The following ANKS1B variants were observed in gnomAD, a reference collection of about 807,000 sequenced individuals.
The protein encoded by ANKS1B is ankyrin repeat and sterile alpha motif domain-containing protein 1B.
A neutral mutation model predicts 148.3 loss-of-function variants in ANKS1B; 36 were observed. That is an observed-to-expected ratio of 0.24 (90% CI 0.19 to 0.32). The LOEUF (loss-of-function observed/expected upper bound fraction) is 0.32, where lower values mean the gene tolerates loss of function less well. ANKS1B is among the 10% of genes least tolerant of loss of function. The pLI, the probability that ANKS1B is intolerant of heterozygous loss-of-function variation, is 1.00. For missense variants in ANKS1B, 1,157 were observed against 1,542.6 expected (o/e 0.75, Z 4.19); for synonymous variants, 542 against 560.8 (o/e 0.97, Z 0.47).
At chr12:99,400,699 T>A (rs1241700412) in intron 11 of ANKS1B, among the ~76,000 whole-genome samples, 2 of 145,044 alleles carry the variant, frequency 1.4e-5, no homozygotes, top group East Asian at 3.9e-4. Flanking sequence ...TAGTTTATAT[T>A]ACTGAAATAC....
At chr12:99,462,014 T>C (rs2095983711) in intron 10 of ANKS1B, among the ~76,000 whole-genome samples, 1 of 152,184 alleles carries the variant, frequency 6.6e-6, no homozygotes, top group African/African-American at 2.4e-5. Context: ...CATTTACTTA[T>C]TTAGTTTAGA....
chr12:99,502,243 C>G (rs979615656), intron 10 of ANKS1B, among the ~76,000 whole-genome samples: 2 of 152,116 alleles, frequency 1.3e-5, no homozygotes, highest in Non-Finnish European at 2.9e-5. Context: ...AAGCTTCCCC[C>G]CCTGAATATG....
At chr12:99,425,677 G>A (rs552762699) in intron 11 of ANKS1B, among the ~76,000 whole-genome samples, 10 of 151,726 alleles carry the variant, frequency 6.6e-5, no homozygotes, top group Non-Finnish European at 1.0e-4. Flanking sequence ...GATATTCAGC[G>A]CCATTAATCA....
At chr12:99,128,874 G>A (rs2065210434) in intron 15 of ANKS1B, among the ~76,000 whole-genome samples, 1 of 152,194 alleles carries the variant, frequency 6.6e-6, no homozygotes, top group East Asian at 1.9e-4. Flanking sequence ...TTGAGTTTAT[G>A]GAAAAAGCCA....
At chr12:99,691,568 C>T (rs2098679653) in intron 8 of ANKS1B, among the ~76,000 whole-genome samples, 1 of 152,170 alleles carries the variant, frequency 6.6e-6, no homozygotes, top group Non-Finnish European at 1.5e-5. Flanking sequence ...GCAAGAGTGA[C>T]CTTTACTCTA....
At chr12:99,669,980 G>A (rs2098528838) in intron 8 of ANKS1B, among the ~76,000 whole-genome samples, 1 of 152,068 alleles carries the variant, frequency 6.6e-6, no homozygotes, top group Admixed American at 6.6e-5. Flanking sequence ...CTTTTATCCA[G>A]GTCTGATCAT....
At chr12:98,897,127 A>G (rs971436557) in intron 17 of ANKS1B, among the ~76,000 whole-genome samples, 11 of 152,196 alleles carry the variant, frequency 7.2e-5, no homozygotes, top group African/African-American at 2.4e-4. Context: ...CTACCTGGCT[A>G]GTGAAAATGC....
At chr12:99,906,527 A>G (rs1024060685) in intron 1 of ANKS1B, among the ~76,000 whole-genome samples, 12 of 152,188 alleles carry the variant, frequency 7.9e-5, no homozygotes, top group Non-Finnish European at 1.6e-4. Context: ...TGATTGACTG[A>G]TTTGTTTAGG....
intron 17 of ANKS1B, among the ~76,000 whole-genome samples, chr12:98,865,440 T>C (rs959860631): frequency 1.3e-5 from 2 of 152,188 alleles, no homozygotes; most frequent in African/African-American, 2.4e-5. Context: ...TGAGTGGCTA[T>C]TATGTTCCTG....
chr12:99,727,455 G>A (rs1291916393), intron 8 of ANKS1B, among the ~76,000 whole-genome samples: 2 of 152,034 alleles, frequency 1.3e-5, no homozygotes, highest in African/African-American at 4.8e-5. Context: ...CCTCTTCAAG[G>A]AGAACTACAA....
At chr12:98,832,220 G>A in intron 17 of ANKS1B, 84 bp from the exon 18 acceptor site, 1 of 1,133,536 alleles carries the variant, frequency 8.8e-7, no homozygotes. Flanking sequence ...GGTGAAAAAA[G>A]ATTTGTGCAA....
rs757329667 is a variant in ANKS1B at position 99,399,782 on chromosome 12, A to G, written c.1605T>C (p.Ser535=). 1.9e-6 allele frequency: 3 copies of G among 1,613,474 alleles called. No homozygotes were observed. The Admixed American group carries it at 5.0e-5, about 27-fold the overall frequency. The part of the protein sequence containing the change: ...QPKQRTSIVS[S]LDFHRMNHNQ... ...TGTGATTCATTCGGTGAAAATCCAG[A>G]GAAGACACAATGGATGTTCGCTGTT... The change falls in exon 12 of 27, where the codon TCT becomes TCC. Residue 535 remains serine, a synonymous_variant. Transcript: ENST00000683438.
chr12:99,031,580 T>A (rs2099952190), intron 17 of ANKS1B, among the ~76,000 whole-genome samples: 1 of 152,212 alleles, frequency 6.6e-6, no homozygotes, highest in Admixed American at 6.5e-5. Context: ...GATATCCTGA[T>A]AAAAGGAACA....
At chr12:99,870,505 T>A (rs2153727191) in intron 1 of ANKS1B, among the ~76,000 whole-genome samples, 1 of 152,184 alleles carries the variant, frequency 6.6e-6, no homozygotes, top group South Asian at 2.1e-4. Flanking sequence ...TTGAGAAATA[T>A]CCCACCTCCA....
chr12:99,009,790 G>T (rs2099938199), intron 17 of ANKS1B, among the ~76,000 whole-genome samples: 3 of 149,374 alleles, frequency 2.0e-5, no homozygotes, highest in African/African-American at 4.9e-5. Flanking sequence ...TAGCTCCCTG[G>T]TTCTTAAAGG....
intron 17 of ANKS1B, among the ~76,000 whole-genome samples, chr12:98,881,529 A>G (rs956131083): frequency 6.6e-6 from 1 of 152,158 alleles, no homozygotes; most frequent in African/African-American, 2.4e-5. Flanking sequence ...ATTCCACAGA[A>G]TGTTATTCTT....
intron 12 of ANKS1B, among the ~76,000 whole-genome samples, chr12:99,342,402 G>A (rs1431676576): frequency 1.3e-5 from 2 of 151,886 alleles, no homozygotes; most frequent in South Asian, 2.1e-4. Flanking sequence ...AGGAGGTCAG[G>A]GGATTGAAAG....
At chr12:99,560,948 G>A (rs11612634) in intron 9 of ANKS1B, among the ~76,000 whole-genome samples, 20,670 of 142,856 alleles carry the variant, frequency 0.14, 1,610 homozygotes, top group Non-Finnish European at 0.17. Flanking sequence ...CTGGGTTCAC[G>A]CCATTCTCCT....
At chr12:99,446,697 G>A (rs1431159794) in intron 10 of ANKS1B, among the ~76,000 whole-genome samples, 1 of 151,994 alleles carries the variant, frequency 6.6e-6, no homozygotes, top group Non-Finnish European at 1.5e-5. Context: ...GTTGAGGTAG[G>A]AGCACACTCT....
Sources: gnomAD v4.1 joint callset for allele counts (sites outside exome capture counted in the v4.1 genomes callset) on GRCh38, gnomAD v4.1.1 for gene constraint, MANE v1.5 for transcripts, NCBI Gene and HGNC (gene_info 2026-07-23, HGNC 2026-07-21) for gene names.